BRD8: variants seen among roughly 807,000 people sequenced by gnomAD.
The protein encoded by BRD8 is bromodomain containing 8, also known as bromodomain-containing protein 8.
Under a neutral mutation model 143.1 loss-of-function variants are expected in BRD8, and 67 were observed. The ratio of observed to expected loss-of-function variants is 0.47; its 90% CI spans 0.38 to 0.57. The LOEUF (loss-of-function observed/expected upper bound fraction) is 0.57. BRD8 is among the 20% of genes least tolerant of loss of function. The pLI is 0.00. For synonymous variants in BRD8, 505 were observed against 517.1 expected (o/e 0.98, Z 0.32); for missense variants, 1,103 against 1,503.0 (o/e 0.73, Z 4.40).
intron 20 of BRD8, chr5:138,157,574 C>T: frequency 2.8e-6 from 1 of 353,998 alleles, no homozygotes; most frequent in Non-Finnish European, 5.2e-6. Flanking sequence ...TGCAAAGGAG[C>T]AGGAGAGTAA....
Position 138,164,109 on chromosome 5 carries a change from G to C in BRD8, c.1850C>G (p.Thr617Ser). The change falls in exon 14 of 27, where the codon ACT (threonine) becomes AGT (serine). Residue 617 changes from threonine to serine, a missense_variant. Around this residue, in one of 7 missense-constraint regions of BRD8, gnomAD observed 75 missense variants for 111.7 expected, o/e 0.67. Transcript: ENST00000254900. ...MSDSLKEESG[T>S]IFGSQIKDAP... The stretch of plus-strand genomic sequence containing the variant: ...TACCTTTATCTGGCTTCCAAAAATA[G>C]TCCCTGATTCTTCTTTCAATGAGTC... The C allele has an allele frequency of 6.2e-7, 1 of 1,614,028 alleles. No individual in the cohort carries two copies. The highest frequency in any genetic ancestry group is 1.1e-5 in the South Asian group (1 of 91,082).
intron 9 of BRD8, chr5:138,167,090 A>AC (rs1753494056): frequency 7.1e-6 from 1 of 140,308 alleles, no homozygotes. Context: ...TACTAAAAAT[A>AC]CAAAAAAAAA....
In BRD8 at chr5:138,168,022, G is replaced by A. The variant is rs2151208346; in HGVS notation, c.699C>T (p.Leu233=). The part of the protein sequence containing the change: ...ASGHLNSTGV[L]LEVGGVLPMI... Reference sequence around the variant, plus strand: ...TGGGAAGGACCCCGCCTACCTCCAGGAGGACACCTGTACTGTTCAGGTGGC... The same window carrying A: ...TGGGAAGGACCCCGCCTACCTCCAGAAGGACACCTGTACTGTTCAGGTGGC... Residue 233 remains leucine, a synonymous_variant, in exon 9 of 27, where the codon CTC becomes CTT. Transcript: ENST00000254900. 1 of 1,613,122 alleles carries A rather than the reference G, an allele frequency of 6.2e-7. No homozygotes were observed. Among genetic ancestry groups the A allele is most frequent in the Non-Finnish European group, 8.5e-7 (1 of 1,179,132 alleles).
intron 23 of BRD8, among the ~76,000 whole-genome samples, chr5:138,148,670 A>C (rs1003420065): frequency 3.3e-5 from 5 of 151,958 alleles, no homozygotes; most frequent in African/African-American, 1.2e-4. Flanking sequence ...CGCCTGGCCT[A>C]ATTTTTTCTT....
intron 2 of BRD8, among the ~76,000 whole-genome samples, chr5:138,175,896 A>G (rs1224236447): frequency 1.6e-5 from 2 of 121,660 alleles, no homozygotes. Context: ...CCTGGGTGAC[A>G]GTGAGACCCT....
intron 21 of BRD8, among the ~76,000 whole-genome samples, chr5:138,152,258 G>GGATC (rs1187082601): frequency 1.3e-5 from 2 of 152,226 alleles, no homozygotes; most frequent in African/African-American, 4.8e-5. Context: ...CCAAAGTGCT[G>GGATC]GGATTACAGG....
In BRD8 at chr5:138,145,240, C is replaced by T; in HGVS notation, c.3374G>A (p.Ser1125Asn). Residue 1125 changes from serine (S) to asparagine (N), a missense_variant, in exon 25 of 27, where the codon AGC becomes AAC. Ser to Asn is a conservative substitution (Grantham distance 46). Around this residue, in one of 7 missense-constraint regions of BRD8, gnomAD observed 369 missense variants for 445.5 expected, o/e 0.83. Transcript: ENST00000254900. ...VWKMIASHRF[S>N]SPFLKPVSER... is the part of the protein sequence containing the mutation. ...TGACACAGGCTTCAGAAATGGACTGCTGAACCTGTTAAGGGACAAACCCAG... is the reference window on the plus strand; with the variant it reads ...TGACACAGGCTTCAGAAATGGACTGTTGAACCTGTTAAGGGACAAACCCAG... 2 of 1,613,896 alleles carry T rather than the reference C, an allele frequency of 1.2e-6. No individual in the cohort carries two copies. Among genetic ancestry groups the T allele is most frequent in the Non-Finnish European group, 1.7e-6 (2 of 1,179,950 alleles).
intron 23 of BRD8, 27 bp downstream of exon 23, chr5:138,149,591 TAAACAGAAGTACGAATCTTAAC>T: frequency 2.0e-6 from 3 of 1,466,438 alleles, no homozygotes; most frequent in Non-Finnish European, 2.7e-6. Flanking sequence ...CAAATAGGCA[TAAACAGAAGTACGAATCTTAAC>T]AAACTTGGAT....
At chr5:138,171,965 T>A in intron 3 of BRD8, 100 bp downstream of exon 3, 1 of 873,302 alleles carries the variant, frequency 1.1e-6, no homozygotes, top group Non-Finnish European at 1.9e-6. Flanking sequence ...TTTTCCCACA[T>A]CATGGTATAA....
chr5:138,151,103 C>G, intron 21 of BRD8, 95 bp from the exon 22 acceptor site: 1 of 1,452,680 alleles, frequency 6.9e-7, no homozygotes, highest in Non-Finnish European at 9.2e-7. Context: ...GTCACAGTGA[C>G]TAAGTCTGAG....
chr5:138,167,987 C>T lies in BRD8; in HGVS notation c.734G>A (p.Gly245Asp). 1.9e-6 allele frequency: 3 copies of T among 1,613,478 alleles called. No individual in the cohort carries two copies. Among genetic ancestry groups the T allele is most frequent in the Non-Finnish European group, 2.5e-6 (3 of 1,179,358 alleles). Reference protein sequence around the residue: ...EVGGVLPMIHGGEIQQTPNTV... With the variant: ...EVGGVLPMIHDGEIQQTPNTV... ...ATTGGGTGTTTGCTGTATCTCCCCA[C>T]CATGTATCATGGGAAGGACCCCGCC... Residue 245 changes from glycine to aspartate, a missense_variant, in exon 9 of 27, where the codon GGT becomes GAT. By Grantham distance (94) the Gly-to-Asp change is moderately conservative. This residue lies in a region of BRD8 where 334 missense variants were observed against 372.5 expected (regional missense o/e 0.90). Transcript: ENST00000254900.
In BRD8 at chr5:138,167,990, T is replaced by C. The variant is rs770093525; in HGVS notation, c.731A>G (p.His244Arg). The change falls in exon 9 of 27, where the codon CAT becomes CGT. Residue 244 changes from histidine (H) to arginine (R), a missense_variant. His to Arg is a conservative substitution (Grantham distance 29, BLOSUM62 0). Transcript: ENST00000254900. ...GGGTGTTTGCTGTATCTCCCCACCA[T>C]GTATCATGGGAAGGACCCCGCCTAC... ...LEVGGVLPMI[H>R]GGEIQQTPNT... 5 of 1,613,204 alleles carry C rather than the reference T, an allele frequency of 3.1e-6. No homozygotes were observed. The highest frequency in any genetic ancestry group is 1.3e-5 in the African/African-American group (1 of 74,878).
At chr5:138,145,715 T>C (rs1159292052) in intron 24 of BRD8, 74 bp downstream of exon 24, 3 of 1,323,088 alleles carry the variant, frequency 2.3e-6, no homozygotes, top group African/African-American at 1.4e-5. Flanking sequence ...ACATATCTCC[T>C]TTTATGCTTA....
intron 2 of BRD8, among the ~76,000 whole-genome samples, chr5:138,176,922 C>T (rs1347001376): frequency 6.6e-6 from 1 of 150,552 alleles, no homozygotes; most frequent in African/African-American, 2.4e-5. Context: ...CCCATCTCTA[C>T]AAAAAAATAA....
At chr5:138,178,213 A>G (rs1159302021) in intron 1 of BRD8, among the ~76,000 whole-genome samples, 1 of 151,992 alleles carries the variant, frequency 6.6e-6, no homozygotes, top group Non-Finnish European at 1.5e-5. Context: ...TGGTTAAAAG[A>G]CCCCACTTCC....
chr5:138,153,673 CT>C (rs67848204), intron 20 of BRD8, among the ~76,000 whole-genome samples: 48,607 of 106,982 alleles, frequency 0.45, 9,759 homozygotes, highest in East Asian at 0.84. Flanking sequence ...CTTTTCTTTT[CT>C]TTTTTTTTTT....
chr5:138,164,540 A>T, intron 12 of BRD8, 127 bp from the exon 13 acceptor site: 1 of 1,126,982 alleles, frequency 8.9e-7, no homozygotes, highest in Non-Finnish European at 1.3e-6. Flanking sequence ...TGTGACTCCA[A>T]TGGTCACCTT....
intron 25 of BRD8, among the ~76,000 whole-genome samples, chr5:138,143,387 G>C (rs567402768): frequency 6.6e-4 from 100 of 152,272 alleles, no homozygotes; most frequent in Admixed American, 2.6e-3. Context: ...GCTGAAGTGG[G>C]AAGATTGCTT....
intron 1 of BRD8, 147 bp downstream of exon 1, chr5:138,178,449 C>T: frequency 1.3e-6 from 1 of 785,778 alleles, no homozygotes; most frequent in Non-Finnish European, 2.2e-6. Context: ...AAACGTTGGT[C>T]TTCACGATGC....
Sources: gnomAD v4.1 joint callset for allele counts (sites outside exome capture counted in the v4.1 genomes callset) on GRCh38, gnomAD v4.1.1 for gene constraint, gnomAD v4.1.1 regional missense constraint, MANE v1.5 for transcripts, NCBI Gene and HGNC (gene_info 2026-07-23, HGNC 2026-07-21) for gene names.